Variants in KLF13 observed in about 807,000 individuals in gnomAD.
KLF13 encodes the protein KLF transcription factor 13, also known as Krueppel-like factor 13.
A neutral mutation model predicts 16.7 loss-of-function variants in KLF13; 8 were observed. The ratio of observed to expected loss-of-function variants is 0.48; its 90% CI spans 0.28 to 0.87. KLF13 has a LOEUF of 0.87. Among genes scored for constraint, KLF13 ranks in the 40% least tolerant of loss-of-function variants. KLF13 has a pLI of 0.10. For synonymous variants in KLF13, 245 were observed against 208.4 expected, an observed-to-expected ratio of 1.18 and a Z score of -1.51; for missense variants, 447 against 452.2, an observed-to-expected ratio of 0.99 and a Z score of 0.10.
Position 31,372,467 on chromosome 15 carries a change from A to T in KLF13, c.*168A>T. 1.3e-6 allele frequency: 1 copy of T among 795,572 alleles called. No individual in the cohort carries two copies. The highest frequency in any genetic ancestry group is 2.4e-5 in the South Asian group (1 of 41,032). 49.3% of individuals were successfully genotyped at this position (795,572 alleles called of 1,614,324 possible). ...TTAAAAAAACAAAAAAAACACAAAA[A>T]TTTCAAAAAACACCACCCACCAAAT... On this transcript the variant is annotated 3_prime_UTR_variant, in exon 2 of 2. Coordinates refer to ENST00000307145, the MANE Select transcript of KLF13 (RefSeq NM_015995.4).
chr15:31,406,079 A>G (rs2040125385), downstream of KLF13, among the ~76,000 whole-genome samples: 1 of 152,240 alleles, frequency 6.6e-6, no homozygotes, highest in African/African-American at 2.4e-5. Flanking sequence ...CAGGAGGAGG[A>G]TAGGAAAGTA....
chr15:31,423,331 T>A (rs1034644542), intron 1 of KLF13, among the ~76,000 whole-genome samples: 7 of 150,832 alleles, frequency 4.6e-5, no homozygotes, highest in African/African-American at 1.7e-4. Context: ...AGAAGATTAA[T>A]AAAGAAACAG....
intron 1 of KLF13, among the ~76,000 whole-genome samples, chr15:31,341,102 C>T (rs2039014944): frequency 6.6e-6 from 1 of 152,170 alleles, no homozygotes; most frequent in Admixed American, 6.5e-5. Flanking sequence ...TTTGCATGAC[C>T]TTCCTTGGGA....
chr15:31,347,928 C>T (rs930547697), intron 1 of KLF13, among the ~76,000 whole-genome samples: 3 of 152,242 alleles, frequency 2.0e-5, no homozygotes, highest in Admixed American at 6.5e-5. Context: ...CCTCCTAACA[C>T]GAGGAAGAGA....
At chr15:31,429,575 T>A (rs1287655883) in intron 1 of KLF13, among the ~76,000 whole-genome samples, 3 of 152,124 alleles carry the variant, frequency 2.0e-5, no homozygotes, top group African/African-American at 7.2e-5. Flanking sequence ...TAAAAATAGT[T>A]AAAATGGTAA....
chr15:31,388,765 CAAAA>C (rs11310230), upstream of KLF13, among the ~76,000 whole-genome samples: 3 of 106,202 alleles, frequency 2.8e-5, no homozygotes, highest in African/African-American at 7.8e-5. Flanking sequence ...TAAAAAATCC[CAAAA>C]AAAAAAAAAA....
chr15:31,350,139 C>T (rs192575016), intron 1 of KLF13, among the ~76,000 whole-genome samples: 3 of 152,370 alleles, frequency 2.0e-5, no homozygotes, highest in East Asian at 3.9e-4. Context: ...CATGCGGCCC[C>T]TGCTTTTAAG....
At chr15:31,431,388 G>A (rs8042871) in intron 1 of KLF13, among the ~76,000 whole-genome samples, 20,022 of 152,216 alleles carry the variant, frequency 0.13, 3,884 homozygotes, top group African/African-American at 0.42. Flanking sequence ...CCAACAGTAG[G>A]ATGGACTAAA....
rs375220547 is a variant in KLF13 at position 31,413,206 on chromosome 15, A to AC, written n.117+19515_117+19516insC. On this transcript the variant is annotated intron_variant and non_coding_transcript_variant, in intron 1 of 1. Coordinates refer to the KLF13 transcript ENST00000558225. ...AATAGACAAAAAAAAAAAAAAACAA[A>AC]AAACAAAAAAACCAGCCTCAGAGAT... 6.1e-3 allele frequency among the ~76,000 whole-genome samples: 886 copies of AC among 145,374 alleles called. 13 individuals are homozygous for AC. Among genetic ancestry groups the AC allele is most frequent in the Non-Finnish European group, 7.9e-3 (523 of 65,942 alleles).
intron 1 of KLF13, among the ~76,000 whole-genome samples, chr15:31,415,738 C>T (rs890276890): frequency 6.6e-6 from 1 of 151,774 alleles, no homozygotes; most frequent in South Asian, 2.1e-4. Flanking sequence ...AGACTGGAAA[C>T]TAAACCCAAA....
chr15:31,355,248 C>T (rs1214616909), intron 1 of KLF13, among the ~76,000 whole-genome samples: 1 of 152,184 alleles, frequency 6.6e-6, no homozygotes, highest in Non-Finnish European at 1.5e-5. Flanking sequence ...CTCACCTCCC[C>T]TGAGCAGAAG....
At chr15:31,329,989 C>T (rs541338706) in intron 1 of KLF13, among the ~76,000 whole-genome samples, 38 of 152,150 alleles carry the variant, frequency 2.5e-4, no homozygotes, top group African/African-American at 9.2e-4. Flanking sequence ...GAGAGTTGAA[C>T]TGCCCAGAAA....
chr15:31,379,087 G>T (rs2039692039), downstream of KLF13, among the ~76,000 whole-genome samples: 1 of 152,158 alleles, frequency 6.6e-6, no homozygotes, highest in Non-Finnish European at 1.5e-5. Flanking sequence ...ACAAATACAG[G>T]CATCGCAGTT....
intron 1 of KLF13, among the ~76,000 whole-genome samples, chr15:31,369,877 G>A (rs1282352960): frequency 6.6e-6 from 1 of 152,100 alleles, no homozygotes; most frequent in African/African-American, 2.4e-5. Context: ...GTTCCTTTGT[G>A]GATGACCTGG....
intron 1 of KLF13, among the ~76,000 whole-genome samples, chr15:31,348,414 C>T (rs946938837): frequency 2.0e-5 from 3 of 152,178 alleles, no homozygotes; most frequent in Non-Finnish European, 2.9e-5. Flanking sequence ...TTGAAGTATA[C>T]GTGTGCTACA....
chr15:31,329,447 G>A (rs1049599713), intron 1 of KLF13, among the ~76,000 whole-genome samples: 3 of 152,092 alleles, frequency 2.0e-5, no homozygotes, highest in African/African-American at 7.2e-5. Flanking sequence ...AGGGTGGCCT[G>A]CCACTCGGCA....
upstream of KLF13, chr15:31,392,831 GCC>G (rs2039893148): frequency 9.7e-5 from 9 of 92,792 alleles, no homozygotes; most frequent in African/African-American, 3.5e-4. Flanking sequence ...CCCCGCCCCC[GCC>G]CCCGCCCGCG....
chr15:31,341,743 G>C (rs2039025872), intron 1 of KLF13, among the ~76,000 whole-genome samples: 1 of 152,076 alleles, frequency 6.6e-6, no homozygotes, highest in Non-Finnish European at 1.5e-5. Context: ...CACTTTCCAG[G>C]ATCCTCACAG....
chr15:31,396,547 C>T (rs931332271), intron 2 of KLF13, among the ~76,000 whole-genome samples: 1 of 152,172 alleles, frequency 6.6e-6, no homozygotes, highest in Non-Finnish European at 1.5e-5. Context: ...GGAGTCGAAG[C>T]TGTCTTCTTG....
Sources: allele counts gnomAD v4.1 joint callset (sites outside exome capture counted in the v4.1 genomes callset), GRCh38; gene constraint gnomAD v4.1.1; transcripts MANE v1.5; gene names NCBI Gene and HGNC (gene_info 2026-07-23, HGNC 2026-07-21).